The following SEMA3E variants were observed in gnomAD, a reference collection of about 807,000 sequenced individuals.
SEMA3E encodes the protein semaphorin 3E, also known as semaphorin-3E.
Under a neutral mutation model 93.6 loss-of-function variants are expected in SEMA3E, and 49 were observed. The observed-to-expected ratio is 0.52, with a 90% CI of 0.42 to 0.66. The LOEUF (loss-of-function observed/expected upper bound fraction) is 0.66. Among genes scored for constraint, SEMA3E ranks in the 30% least tolerant of loss-of-function variants. The probability of loss-of-function intolerance (pLI) is 0.00; values close to 1 mark genes in which losing one functional copy is unlikely to be tolerated. For synonymous variants in SEMA3E, 363 were observed against 330.7 expected (o/e 1.10, Z -1.06); for missense variants, 906 against 964.8 (o/e 0.94, Z 0.81).
At chr7:83,488,008 A>G (rs1173698133) in intron 2 of SEMA3E, among the ~76,000 whole-genome samples, 4 of 152,018 alleles carry the variant, frequency 2.6e-5, no homozygotes, top group African/African-American at 9.7e-5. Context: ...TTTGCACGCT[A>G]GGAAAAGCGG....
At chr7:83,478,151 G>C (rs1222843235) in intron 2 of SEMA3E, among the ~76,000 whole-genome samples, 1 of 152,156 alleles carries the variant, frequency 6.6e-6, no homozygotes, top group Non-Finnish European at 1.5e-5. Flanking sequence ...TTGAACTCCT[G>C]ACCTCAGGTG....
chr7:83,510,409 A>G (rs996333082), intron 1 of SEMA3E, among the ~76,000 whole-genome samples: 3 of 152,202 alleles, frequency 2.0e-5, no homozygotes, highest in African/African-American at 7.2e-5. Context: ...TCATATTTCT[A>G]GAGGTTTCAC....
At chr7:83,376,136 G>A (rs1170776594) in intron 16 of SEMA3E, among the ~76,000 whole-genome samples, 1 of 152,014 alleles carries the variant, frequency 6.6e-6, no homozygotes, top group Admixed American at 6.6e-5. Context: ...AAGAGTTCAT[G>A]CACTTTACAT....
intron 1 of SEMA3E, among the ~76,000 whole-genome samples, chr7:83,491,599 G>GT (rs1261398276): frequency 6.6e-6 from 1 of 151,918 alleles, no homozygotes; most frequent in Non-Finnish European, 1.5e-5. Flanking sequence ...CTGAGAATAA[G>GT]TTTTGAGGGT....
intron 10 of SEMA3E, among the ~76,000 whole-genome samples, chr7:83,401,001 C>CA (rs917059486): frequency 2.0e-5 from 3 of 151,932 alleles, no homozygotes; most frequent in East Asian, 1.9e-4. Context: ...AGTGGTTCAA[C>CA]AAAAAAACCT....
At chr7:83,601,615 G>A (rs1483193705) in intron 1 of SEMA3E, among the ~76,000 whole-genome samples, 1 of 152,106 alleles carries the variant, frequency 6.6e-6, no homozygotes, top group South Asian at 2.1e-4. Context: ...AATGGGGCTT[G>A]AGAGATAGCA....
intron 1 of SEMA3E, among the ~76,000 whole-genome samples, chr7:83,543,470 A>C (rs1791580756): frequency 6.6e-6 from 1 of 152,010 alleles, no homozygotes; most frequent in African/African-American, 2.4e-5. Flanking sequence ...ATAAACTCAA[A>C]GTTGTGTTTT....
chr7:83,482,266 C>T (rs1790158846), intron 2 of SEMA3E, among the ~76,000 whole-genome samples: 1 of 151,934 alleles, frequency 6.6e-6, no homozygotes, highest in East Asian at 1.9e-4. Context: ...TGATAATAAG[C>T]ACAGTAAGAT....
At chr7:83,556,986 A>T (rs1401181702) in intron 1 of SEMA3E, among the ~76,000 whole-genome samples, 2 of 152,164 alleles carry the variant, frequency 1.3e-5, no homozygotes. Flanking sequence ...CCAGAGTTTG[A>T]TCTTTGACTT....
chr7:83,632,722 TC>T (rs1793810874), intron 1 of SEMA3E, among the ~76,000 whole-genome samples: 1 of 152,170 alleles, frequency 6.6e-6, no homozygotes, highest in African/African-American at 2.4e-5. Context: ...TGGAGGTCCA[TC>T]ATGACTTATG....
chr7:83,583,194 T>C (rs536252630), intron 1 of SEMA3E, among the ~76,000 whole-genome samples: 79 of 152,320 alleles, frequency 5.2e-4, no homozygotes, highest in African/African-American at 1.9e-3. Flanking sequence ...TAAACTGATG[T>C]ACCTTTAGAA....
intron 1 of SEMA3E, among the ~76,000 whole-genome samples, chr7:83,640,013 T>G (rs566425686): frequency 1.3e-5 from 2 of 151,960 alleles, no homozygotes; most frequent in African/African-American, 4.8e-5. Flanking sequence ...ATGCTGAGAG[T>G]ACATTTCCTA....
In SEMA3E at chr7:83,507,488, G is replaced by T. The variant is rs139081195; in HGVS notation, c.116-17214C>A. ...TGTGTGTGTGTGAAAGGGAGAGACA[G>T]ACAGAGATGGAGACAGAGAGACACA... is the stretch of plus-strand genomic sequence containing the variant. On this transcript the variant is annotated intron_variant, in intron 1 of 16. Transcript: ENST00000643230. 2.6e-3 allele frequency among the ~76,000 whole-genome samples: 388 copies of T among 151,496 alleles called. 1 individual carries two copies. Among genetic ancestry groups the T allele is most frequent in the African/African-American group, 8.6e-3 (356 of 41,286 alleles).
chr7:83,605,731 C>T (rs1424401471), intron 1 of SEMA3E, among the ~76,000 whole-genome samples: 2 of 152,144 alleles, frequency 1.3e-5, no homozygotes, highest in Non-Finnish European at 2.9e-5. Flanking sequence ...TGTGCCTGGC[C>T]ATAAATGTCT....
At chr7:83,600,613 C>T (rs1193127626) in intron 1 of SEMA3E, among the ~76,000 whole-genome samples, 2 of 147,242 alleles carry the variant, frequency 1.4e-5, no homozygotes, top group African/African-American at 5.0e-5. Context: ...TCCCAAAGTG[C>T]TGGGATTACA....
chr7:83,629,049 C>T (rs1047895255), intron 1 of SEMA3E, among the ~76,000 whole-genome samples: 31 of 152,150 alleles, frequency 2.0e-4, no homozygotes, highest in Non-Finnish European at 8.8e-5. Context: ...GGCTCCTCTT[C>T]TCCAGGTCTG....
intron 1 of SEMA3E, among the ~76,000 whole-genome samples, chr7:83,631,162 TATTTTAGCCATGAA>T (rs2115673099): frequency 6.6e-6 from 1 of 152,270 alleles, no homozygotes; most frequent in East Asian, 1.9e-4. Context: ...AGCTTCTGTT[TATTTTAGCCATGAA>T]GAAAGACGGT....
intron 1 of SEMA3E, among the ~76,000 whole-genome samples, chr7:83,567,296 A>G (rs1435484135): frequency 1.3e-5 from 2 of 152,192 alleles, no homozygotes; most frequent in African/African-American, 4.8e-5. Context: ...ATAGACTCTA[A>G]TACAATAAAC....
intron 1 of SEMA3E, among the ~76,000 whole-genome samples, chr7:83,594,961 A>AT (rs201035107): frequency 0.03 from 4,489 of 151,702 alleles, 191 homozygotes; most frequent in East Asian, 0.16. Context: ...TGGGAAAAAA[A>AT]AAAAAAAGCT....
Sources: gnomAD v4.1 joint callset for allele counts (sites outside exome capture counted in the v4.1 genomes callset) on GRCh38, gnomAD v4.1.1 for gene constraint, MANE v1.5 for transcripts, NCBI Gene and HGNC (gene_info 2026-07-23, HGNC 2026-07-21) for gene names.